SV2C: variants seen among roughly 807,000 people sequenced by gnomAD.
The protein encoded by SV2C is solute carrier family 22 member B3.
In SV2C, 49 loss-of-function variants were observed where a neutral mutation model predicts 79.7. The observed-to-expected ratio is 0.61, with a 90% CI of 0.49 to 0.78. The LOEUF (loss-of-function observed/expected upper bound fraction) is 0.78. Among genes scored for constraint, SV2C ranks in the 30% least tolerant of loss-of-function variants. The pLI is 0.00. For synonymous variants in SV2C, 334 were observed against 333.2 expected (o/e 1.00, Z -0.03); for missense variants, 833 against 912.9 (o/e 0.91, Z 1.13).
chr5:76,233,637 T>A (rs1745510633), intron 4 of SV2C, among the ~76,000 whole-genome samples: 1 of 150,636 alleles, frequency 6.6e-6, no homozygotes, highest in South Asian at 2.1e-4. Flanking sequence ...TTATTGAGAG[T>A]TTTTAGCATG....
intron 2 of SV2C, among the ~76,000 whole-genome samples, chr5:76,133,313 C>G (rs1748964928): frequency 2.0e-5 from 3 of 152,194 alleles, no homozygotes; most frequent in South Asian, 4.1e-4. Flanking sequence ...TACTTAGTAT[C>G]TATGTTTCCA....
chr5:76,259,695 C>T (rs1162781037), intron 4 of SV2C, among the ~76,000 whole-genome samples: 6 of 151,924 alleles, frequency 3.9e-5, no homozygotes, highest in Non-Finnish European at 5.9e-5. Flanking sequence ...GAGAACATGC[C>T]GTATTTGGTT....
intron 12 of SV2C, among the ~76,000 whole-genome samples, chr5:76,345,275 G>A (rs1749518078): frequency 6.6e-6 from 1 of 152,124 alleles, no homozygotes; most frequent in African/African-American, 2.4e-5. Context: ...TCTCCAAACG[G>A]CAAATAAGCA....
chr5:76,127,336 G>T (rs1282270158), intron 1 of SV2C, among the ~76,000 whole-genome samples: 2 of 152,158 alleles, frequency 1.3e-5, no homozygotes, highest in African/African-American at 4.8e-5. Flanking sequence ...GCAAAAAGAA[G>T]AAAAACTGTG....
the SV2C span, among the ~76,000 whole-genome samples, chr5:76,053,696 C>G: frequency 2.0e-5 from 3 of 152,108 alleles, no homozygotes; most frequent in Non-Finnish European, 4.4e-5. Flanking sequence ...AATTGTGCTT[C>G]CTTAATAGCA....
At chr5:75,856,185 C>G in the SV2C span, among the ~76,000 whole-genome samples, 2 of 152,120 alleles carry the variant, frequency 1.3e-5, no homozygotes, top group African/African-American at 4.8e-5. Flanking sequence ...TTTCCTTATC[C>G]TTTCATCTGT....
intron 2 of SV2C, among the ~76,000 whole-genome samples, chr5:76,178,323 T>C (rs1347906666): frequency 6.6e-6 from 1 of 152,256 alleles, no homozygotes; most frequent in Non-Finnish European, 1.5e-5. Context: ...AGCTGTGTTG[T>C]ACAGTCACCA....
chr5:76,101,383 T>C (rs991260712), intron 1 of SV2C, among the ~76,000 whole-genome samples: 3 of 152,158 alleles, frequency 2.0e-5, no homozygotes, highest in Non-Finnish European at 2.9e-5. Context: ...GTGGCCAATT[T>C]CCATTACTTT....
chr5:76,179,788 G>T (rs900231115), intron 2 of SV2C, among the ~76,000 whole-genome samples: 4 of 152,206 alleles, frequency 2.6e-5, no homozygotes, highest in African/African-American at 9.7e-5. Flanking sequence ...ACTGCTCTGG[G>T]CTGACAACTT....
intron 10 of SV2C, 53 bp from the exon 11 acceptor site, chr5:76,300,676 T>TG: frequency 1.3e-6 from 2 of 1,561,262 alleles, no homozygotes; most frequent in Non-Finnish European, 1.8e-6. Flanking sequence ...TTTCTTATAC[T>TG]GGTGCATGCC....
intron 2 of SV2C, among the ~76,000 whole-genome samples, chr5:76,179,387 C>T (rs910696351): frequency 1.6e-4 from 25 of 152,092 alleles, no homozygotes; most frequent in African/African-American, 2.9e-4. Flanking sequence ...TTGTTTTTTG[C>T]TTGTTTTTGA....
intron 4 of SV2C, among the ~76,000 whole-genome samples, chr5:76,261,759 A>G (rs767709093): frequency 1.3e-5 from 2 of 152,190 alleles, no homozygotes; most frequent in Non-Finnish European, 2.9e-5. Context: ...TGATTTGCAT[A>G]TGTTGAACCA....
the SV2C span, among the ~76,000 whole-genome samples, chr5:76,039,708 A>G: frequency 6.6e-6 from 1 of 151,238 alleles, no homozygotes; most frequent in African/African-American, 2.4e-5. Context: ...GTGAACTAAG[A>G]TCATGCCATT....
chr5:76,270,803 C>T (rs555689977), intron 4 of SV2C, among the ~76,000 whole-genome samples: 1 of 151,672 alleles, frequency 6.6e-6, no homozygotes, highest in South Asian at 2.1e-4. Flanking sequence ...GGGTCTCACT[C>T]TGTCACCCAG....
At chr5:75,991,795 G>T in the SV2C span, among the ~76,000 whole-genome samples, 2 of 151,588 alleles carry the variant, frequency 1.3e-5, no homozygotes, top group African/African-American at 4.8e-5. Context: ...CAGTAATTTA[G>T]CCAGCTATGC....
At chr5:76,045,294 C>T in the SV2C span, among the ~76,000 whole-genome samples, 5 of 152,260 alleles carry the variant, frequency 3.3e-5, no homozygotes, top group Non-Finnish European at 4.4e-5. Context: ...CTACCAGTAC[C>T]GTGCTGTTTT....
At chr5:76,013,545 T>C in the SV2C span, among the ~76,000 whole-genome samples, 1 of 152,202 alleles carries the variant, frequency 6.6e-6, no homozygotes, top group Non-Finnish European at 1.5e-5. Context: ...AATCATGTCA[T>C]CTGCAAACAG....
intron 12 of SV2C, among the ~76,000 whole-genome samples, chr5:76,320,141 C>T (rs1023327938): frequency 6.7e-6 from 1 of 149,496 alleles, no homozygotes; most frequent in South Asian, 2.1e-4. Context: ...GCAATAGCCT[C>T]GTCTCGTCTT....
intron 2 of SV2C, among the ~76,000 whole-genome samples, chr5:76,186,897 A>G (rs749269645): frequency 9.2e-5 from 14 of 152,170 alleles, no homozygotes; most frequent in Non-Finnish European, 5.9e-5. Flanking sequence ...AACCACCCCT[A>G]TGATTCAATT....
Sources: gnomAD v4.1 joint callset for allele counts (sites outside exome capture counted in the v4.1 genomes callset) on GRCh38, gnomAD v4.1.1 for gene constraint, MANE v1.5 for transcripts, NCBI Gene and HGNC (gene_info 2026-07-23, HGNC 2026-07-21) for gene names.